The following CDC34 variants were observed in gnomAD, a reference collection of about 807,000 sequenced individuals.
The protein encoded by CDC34 is cell division cycle 34, ubiquitin conjugating enzyme.
CDC34 carries 18 observed loss-of-function variants against 26.8 expected under a neutral mutation model. The observed-to-expected ratio is 0.67, with a 90% CI of 0.47 to 1.00. The LOEUF (loss-of-function observed/expected upper bound fraction) is 1.00. CDC34 is among the 50% of genes least tolerant of loss of function. The pLI is 0.00. For missense variants in CDC34, 280 were observed against 334.5 expected, an observed-to-expected ratio of 0.84 and a Z score of 1.27; for synonymous variants, 178 against 147.5, an observed-to-expected ratio of 1.21 and a Z score of -1.50.
chr19:541,183 G>A, intron 4 of CDC34, 156 bp from the exon 5 acceptor site: 2 of 942,550 alleles, frequency 2.1e-6, no homozygotes, highest in Non-Finnish European at 3.0e-6. Flanking sequence ...TCCCCCTGGA[G>A]TTCCTCACGC....
chr19:537,588 G>A (rs1176224697), intron 4 of CDC34, among the ~76,000 whole-genome samples: 5 of 149,154 alleles, frequency 3.4e-5, no homozygotes, highest in East Asian at 2.0e-4. Flanking sequence ...TCCTGACCTC[G>A]TGATCCATCT....
chr19:533,484 C>T (rs780467096), intron 1 of CDC34, among the ~76,000 whole-genome samples: 2 of 152,222 alleles, frequency 1.3e-5, no homozygotes, highest in African/African-American at 2.4e-5. Flanking sequence ...TGGAATCCTG[C>T]GTCCCCACAC....
intron 1 of CDC34, among the ~76,000 whole-genome samples, chr19:535,277 CGG>C (rs1050374481): frequency 1.3e-5 from 2 of 152,258 alleles, no homozygotes; most frequent in African/African-American, 4.8e-5. Flanking sequence ...CCCCCAAGAC[CGG>C]ACACCTGAGG....
chr19:536,584 C>T lies in CDC34; in HGVS notation c.362+244C>T, dbSNP rs577049383. On this transcript the variant is annotated intron_variant, in intron 3 of 4. Coordinates refer to ENST00000215574, the MANE Select transcript of CDC34 (RefSeq NM_004359.2). ...CAGGACCCCAGGCCGGCCCCACCGTCTGGAACCACCTAGAGGTGTCCCGCC... is the reference window on the plus strand; with the variant it reads ...CAGGACCCCAGGCCGGCCCCACCGTTTGGAACCACCTAGAGGTGTCCCGCC... The T allele has an allele frequency of 8.2e-4, 478 of 580,748 alleles. 2 individuals are homozygous for T. Among genetic ancestry groups the T allele is most frequent in the African/African-American group, 7.8e-3 (419 of 53,498 alleles). The allele number at this position is 580,748 out of a possible 1,614,324, so 36.0% of individuals were successfully genotyped here.
chr19:533,399 G>A (rs1456304708), intron 1 of CDC34, among the ~76,000 whole-genome samples: 1 of 152,248 alleles, frequency 6.6e-6, no homozygotes, highest in Non-Finnish European at 1.5e-5. Context: ...CCCGCTCAGC[G>A]GCTGTGAGGG....
intron 1 of CDC34, among the ~76,000 whole-genome samples, chr19:535,256 GCCTGCCTGAC>G (rs1334914609): frequency 6.6e-6 from 1 of 152,244 alleles, no homozygotes; most frequent in Admixed American, 6.5e-5. Context: ...CTATGGGTCT[GCCTGCCTGAC>G]CCCCCAAGAC....
At chr19:535,704 G>A in intron 1 of CDC34, 133 bp from the exon 2 acceptor site, 1 of 745,804 alleles carries the variant, frequency 1.3e-6, no homozygotes, top group Non-Finnish European at 2.4e-6. Flanking sequence ...TCCCTGCCTT[G>A]GGCAGGATAC....
In CDC34 at chr19:537,085, C is replaced by A. The variant is rs773614404; in HGVS notation, c.435C>A (p.Ser145=). 4.3e-6 allele frequency: 7 copies of A among 1,613,686 alleles called. No individual in the cohort carries two copies. Among genetic ancestry groups the A allele is most frequent in the Non-Finnish European group, 5.9e-6 (7 of 1,179,948 alleles). Residue 145 remains serine (S), a synonymous_variant, in exon 4 of 5, where the codon TCC becomes TCA. Transcript: ENST00000215574. ...NTFSPANVDA[S]VMYRKWKESK... The stretch of plus-strand genomic sequence containing the variant: ...TCTCGCCCGCAAACGTGGACGCCTC[C>A]GTGATGTACAGGAAGTGGAAAGAGA...
chr19:539,232 T>C (rs1979900805), intron 4 of CDC34, among the ~76,000 whole-genome samples: 1 of 152,104 alleles, frequency 6.6e-6, no homozygotes, highest in Non-Finnish European at 1.5e-5. Context: ...GTCCTCCAGC[T>C]CATGCTGGCG....
At chr19:532,201 G>A (rs1979520845) in intron 1 of CDC34, 93 bp downstream of exon 1, 1 of 1,065,554 alleles carries the variant, frequency 9.4e-7, no homozygotes, top group East Asian at 3.2e-5. Context: ...TAGCGCTGTT[G>A]CTGGGCGGGC....
chr19:534,927 C>T (rs1353349049), intron 1 of CDC34, among the ~76,000 whole-genome samples: 1 of 152,100 alleles, frequency 6.6e-6, no homozygotes, highest in Non-Finnish European at 1.5e-5. Flanking sequence ...TCCAGGCTTC[C>T]ACCACGATCG....
chr19:539,123 C>T, intron 4 of CDC34: 1 of 646,266 alleles, frequency 1.5e-6, no homozygotes, highest in Non-Finnish European at 1.9e-6. Flanking sequence ...GCGTGTTGGC[C>T]TCGTGGCAGC....
chr19:531,973 G>T lies in CDC34; in HGVS notation c.42G>T (p.Leu14=). ...TGCCCAGCTCGCAGAAGGCGCTGCT[G>T]CTGGAGCTCAAGGGGCTGCAGGAAG... ...PLVPSSQKAL[L]LELKGLQEEP... The change falls in exon 1 of 5, where the codon CTG becomes CTT. Residue 14 remains leucine, a synonymous_variant. Coordinates refer to ENST00000215574, the MANE Select transcript of CDC34 (RefSeq NM_004359.2). 15 of 1,479,688 alleles carry T rather than the reference G, an allele frequency of 1.0e-5. No homozygotes were observed. Among genetic ancestry groups the T allele is most frequent in the Non-Finnish European group, 1.3e-5 (15 of 1,121,588 alleles). 91.7% of individuals were successfully genotyped at this position (1,479,688 alleles called of 1,614,324 possible).
At chr19:540,194 C>T (rs1397716533) in intron 4 of CDC34, among the ~76,000 whole-genome samples, 2 of 1,282 alleles carry the variant, frequency 1.6e-3, no homozygotes, top group African/African-American at 2.4e-3. Flanking sequence ...GGTGGCCAGG[C>T]CCCCCGGGTT....
intron 4 of CDC34, chr19:538,776 C>T (rs528567215): frequency 2.0e-6 from 2 of 985,418 alleles, no homozygotes; most frequent in African/African-American, 3.5e-5. Flanking sequence ...GCGGTCTCGG[C>T]TCTGAGCAGC....
chr19:538,051 GTGAC>G (rs1979842196), intron 4 of CDC34, among the ~76,000 whole-genome samples: 1 of 152,170 alleles, frequency 6.6e-6, no homozygotes, highest in Non-Finnish European at 1.5e-5. Flanking sequence ...TGTGTGCCCA[GTGAC>G]TGACTGTTAG....
chr19:536,962 G>A (rs373167298), intron 3 of CDC34, 51 bp from the exon 4 acceptor site: 41 of 1,610,638 alleles, frequency 2.5e-5, no homozygotes, highest in Admixed American at 3.3e-5. Context: ...GAGAAGAGCC[G>A]GAAGGCTGGG....
Position 541,471 on chromosome 19 carries a change from C to G in CDC34, c.630C>G (p.Tyr210Ter), listed in dbSNP as rs1156883031. The part of the protein sequence containing the change: ...DEGSDLFYDD[Y>*]YEDGEVEEEA... ...GCTCAGACCTCTTCTACGACGACTA[C>G]TACGAGGACGGCGAGGTGGAGGAGG... Residue 210 changes from tyrosine to a stop codon, truncating the protein, a stop_gained, in exon 5 of 5, where the codon TAC (tyrosine) becomes TAG (stop). Transcript: ENST00000215574. LOFTEE classifies it high-confidence loss of function. The G allele has an allele frequency of 6.2e-7, 1 of 1,612,342 alleles. No homozygotes were observed. Among genetic ancestry groups the G allele is most frequent in the Middle Eastern group, 1.7e-4 (1 of 6,052 alleles).
intron 1 of CDC34, 149 bp downstream of exon 1, chr19:532,257 TCC>T (rs1439689161): frequency 3.3e-5 from 18 of 541,950 alleles, no homozygotes; most frequent in Non-Finnish European, 5.2e-5. Flanking sequence ...ATGGCCACGT[TCC>T]CCCACCCAGC....
Sources: allele counts gnomAD v4.1 joint callset (sites outside exome capture counted in the v4.1 genomes callset), GRCh38; gene constraint gnomAD v4.1.1; transcripts MANE v1.5; gene names NCBI Gene and HGNC (gene_info 2026-07-23, HGNC 2026-07-21).